The following CDK14 variants were observed in gnomAD, a reference collection of about 807,000 sequenced individuals.
CDK14 encodes cyclin-dependent kinase 14.
CDK14 carries 34 observed loss-of-function variants against 60.7 expected under a neutral mutation model. That is an observed-to-expected ratio of 0.56 (90% confidence interval 0.43 to 0.75). The LOEUF is 0.75. Ranked by LOEUF, CDK14 falls within the 30% of genes least tolerant of loss-of-function variation. CDK14 has a pLI of 0.00. For synonymous variants in CDK14, 197 were observed against 203.7 expected, an observed-to-expected ratio of 0.97 and a Z score of 0.28; for missense variants, 482 against 564.1, an observed-to-expected ratio of 0.85 and a Z score of 1.47.
chr7:91,128,071 A>G (rs1054297454), intron 14 of CDK14, among the ~76,000 whole-genome samples: 9 of 152,184 alleles, frequency 5.9e-5, no homozygotes, highest in Admixed American at 1.3e-4. Context: ...CACAGCTGCA[A>G]GTCTTTCTGG....
intron 5 of CDK14, among the ~76,000 whole-genome samples, chr7:90,828,906 A>G (rs1306970697): frequency 6.6e-6 from 1 of 152,206 alleles, no homozygotes; most frequent in Non-Finnish European, 1.5e-5. Flanking sequence ...ACTGCTGTGA[A>G]GAACTACTGG....
At chr7:90,800,367 T>G (rs1278282211) in intron 5 of CDK14, among the ~76,000 whole-genome samples, 2 of 152,136 alleles carry the variant, frequency 1.3e-5, no homozygotes, top group East Asian at 1.9e-4. Flanking sequence ...ATTGTAAAAT[T>G]TGTACTGTAT....
At chr7:91,173,625 G>A (rs944323181) in intron 14 of CDK14, among the ~76,000 whole-genome samples, 9 of 152,206 alleles carry the variant, frequency 5.9e-5, no homozygotes, top group African/African-American at 2.2e-4. Flanking sequence ...GAAGCAGGGC[G>A]AGGCATTGCC....
At chr7:90,684,105 A>G (rs938441136) in intron 2 of CDK14, among the ~76,000 whole-genome samples, 9 of 152,154 alleles carry the variant, frequency 5.9e-5, no homozygotes, top group Non-Finnish European at 1.3e-4. Flanking sequence ...CAATATATTT[A>G]CTTGTTTGCT....
intron 2 of CDK14, among the ~76,000 whole-genome samples, chr7:90,675,101 G>A (rs1348201589): frequency 6.6e-6 from 1 of 152,160 alleles, no homozygotes; most frequent in African/African-American, 2.4e-5. Flanking sequence ...TTAGTGCTGA[G>A]ATGGCTTAGG....
At chr7:90,949,248 A>T (rs941395538) in intron 8 of CDK14, among the ~76,000 whole-genome samples, 1 of 152,022 alleles carries the variant, frequency 6.6e-6, no homozygotes. Flanking sequence ...ATTGTTGTCC[A>T]GGCTGGAGCA....
At chr7:90,616,078 T>C (rs1799643986) in intron 2 of CDK14, among the ~76,000 whole-genome samples, 1 of 152,208 alleles carries the variant, frequency 6.6e-6, no homozygotes, top group Non-Finnish European at 1.5e-5. Context: ...TAGATAATGC[T>C]TTCTGATTTT....
chr7:90,734,415 G>A (rs557926238), intron 3 of CDK14, among the ~76,000 whole-genome samples: 7 of 152,260 alleles, frequency 4.6e-5, no homozygotes, highest in Admixed American at 3.9e-4. Flanking sequence ...TTCCAACTTG[G>A]TTCTATTCTC....
chr7:90,655,081 A>G (rs1259906445), intron 2 of CDK14, among the ~76,000 whole-genome samples: 1 of 138,140 alleles, frequency 7.2e-6, no homozygotes, highest in Non-Finnish European at 1.6e-5. Flanking sequence ...GAAGTCAAAT[A>G]GTCTGTAGCC....
At chr7:91,176,964 C>T (rs1334777291) in intron 14 of CDK14, among the ~76,000 whole-genome samples, 1 of 152,040 alleles carries the variant, frequency 6.6e-6, no homozygotes, top group Non-Finnish European at 1.5e-5. Flanking sequence ...TTTTATGAGG[C>T]CAGCATCATT....
intron 4 of CDK14, among the ~76,000 whole-genome samples, chr7:90,770,036 G>A (rs1354062775): frequency 6.6e-6 from 1 of 152,210 alleles, no homozygotes; most frequent in Non-Finnish European, 1.5e-5. Flanking sequence ...AGATTTGGTA[G>A]CTGAGGTTTA....
rs1241642909 is a variant in CDK14 at position 90,917,716 on chromosome 7, C to G, written c.818C>G (p.Ala273Gly). 1 of 1,612,402 alleles carries G rather than the reference C, an allele frequency of 6.2e-7. No homozygotes were observed. ...AGTGACACGGGGGAGTTAAAGCTGG[C>G]AGATTTCGGTAGGAAAGCAGTTAAT... The part of the protein sequence containing the change: ...LISDTGELKL[A>G]DFGLARAKSV... The change falls in exon 8 of 15, where the codon GCA (alanine) becomes GGA (glycine). Residue 273 changes from alanine to glycine, a missense_variant. By Grantham distance (60) the Ala-to-Gly change is moderately conservative (BLOSUM62 0). Coordinates refer to ENST00000380050, the MANE Select transcript of CDK14 (RefSeq NM_001287135.2).
At chr7:90,920,626 T>C (rs1220920504) in intron 8 of CDK14, among the ~76,000 whole-genome samples, 1 of 152,228 alleles carries the variant, frequency 6.6e-6, no homozygotes, top group African/African-American at 2.4e-5. Context: ...GGCCTTTATA[T>C]TTATACATAT....
chr7:91,108,626 T>G (rs1799381814), intron 12 of CDK14, among the ~76,000 whole-genome samples: 1 of 152,206 alleles, frequency 6.6e-6, no homozygotes, highest in African/African-American at 2.4e-5. Context: ...CACTATATGT[T>G]TATAACTGCC....
chr7:90,820,441 G>A (rs531993746), intron 5 of CDK14, among the ~76,000 whole-genome samples: 2 of 152,110 alleles, frequency 1.3e-5, no homozygotes, highest in Admixed American at 1.3e-4. Context: ...TGCTGTTCTT[G>A]TAATAATGAG....
At chr7:91,147,771 A>G (rs929569181) in intron 14 of CDK14, among the ~76,000 whole-genome samples, 2 of 152,014 alleles carry the variant, frequency 1.3e-5, no homozygotes, top group African/African-American at 4.8e-5. Flanking sequence ...TGGGTACATG[A>G]AAAATTCAGG....
Position 90,918,350 on chromosome 7 carries a change from G to A in CDK14, c.826+626G>A, listed in dbSNP as rs143367080. 1.1e-3 allele frequency among the ~76,000 whole-genome samples: 172 copies of A among 152,306 alleles called. 1 individual carries two copies. The East Asian group carries it at 0.013, about 12-fold the overall frequency. On this transcript the variant is annotated intron_variant, in intron 8 of 14. Coordinates refer to ENST00000380050, the MANE Select transcript of CDK14 (RefSeq NM_001287135.2). ...ATTACTATTTAAAAGTTGAGGTTCT[G>A]GAATGAGCATTATAAGTCATTCCTT... is the stretch of plus-strand genomic sequence containing the variant.
chr7:90,783,638 A>G (rs557342791), intron 4 of CDK14, among the ~76,000 whole-genome samples: 11 of 152,334 alleles, frequency 7.2e-5, no homozygotes, highest in Non-Finnish European at 1.3e-4. Context: ...ACATTTCTCA[A>G]AAGAAGAGAT....
At chr7:90,639,093 G>A (rs1320130505) in intron 2 of CDK14, among the ~76,000 whole-genome samples, 35 of 152,128 alleles carry the variant, frequency 2.3e-4, no homozygotes, top group African/African-American at 2.9e-4. Flanking sequence ...CCTGTAGCTC[G>A]GAGTAATTTG....
Sources: allele counts gnomAD v4.1 joint callset (sites outside exome capture counted in the v4.1 genomes callset), GRCh38; gene constraint gnomAD v4.1.1; transcripts MANE v1.5; gene names NCBI Gene and HGNC (gene_info 2026-07-23, HGNC 2026-07-21).